Variants in CHD3 observed in about 807,000 individuals in gnomAD.
CHD3 encodes chromodomain helicase DNA binding protein 3.
In CHD3, 52 loss-of-function variants were observed where a neutral mutation model predicts 248.9. The ratio of observed to expected loss-of-function variants is 0.21; its 90% CI spans 0.17 to 0.26. The LOEUF (loss-of-function observed/expected upper bound fraction) is 0.26. CHD3 is among the 10% of genes least tolerant of loss of function. The pLI, the probability that CHD3 is intolerant of heterozygous loss-of-function variation, is 1.00. For synonymous variants in CHD3, 985 were observed against 985.2 expected (o/e 1.00, Z 0.00); for missense variants, 1,482 against 2,605.8 (o/e 0.57, Z 9.39).
chr17:7,909,214 G>A lies in CHD3; in HGVS notation c.5466G>A (p.Pro1822=), dbSNP rs886218115. 10 of 1,549,310 alleles carry A rather than the reference G, an allele frequency of 6.5e-6. No individual in the cohort carries two copies. Among genetic ancestry groups the A allele is most frequent in the African/African-American group, 2.7e-5 (2 of 73,002 alleles). The change falls in exon 37 of 40, where the codon CCG becomes CCA. Residue 1822 remains proline (P), a synonymous_variant. Coordinates refer to ENST00000330494, the MANE Select transcript of CHD3 (RefSeq NM_001005273.3). The surrounding 1 kb of genome is among the most constrained non-coding windows in gnomAD (Gnocchi z 8.1). ...CCTACCTGAACCTGTCGCAGGAGCC[G>A]GCGCACCCCGCCATGGCCCTCCACG... ...RAAYLNLSQE[P]AHPAMALHAR...
intron 19 of CHD3, 86 bp downstream of exon 19, chr17:7,901,079 C>T (rs1970243696): frequency 6.5e-7 from 1 of 1,544,650 alleles, no homozygotes; most frequent in Non-Finnish European, 8.8e-7. Context: ...TATTGAGCCA[C>T]AGGGGTGGAG....
At chr17:7,901,504 G>GTTTT (rs34660030) in intron 20 of CHD3, 129 bp downstream of exon 20, 42 of 173,416 alleles carry the variant, frequency 2.4e-4, no homozygotes, top group South Asian at 1.0e-3. Context: ...TCCTGTAAGA[G>GTTTT]TTTTTTTTTT....
At position 7,906,770 on chromosome 17, in the gene CHD3, G is replaced by A; in HGVS notation, c.4503+73G>A. 1 of 1,586,192 alleles carries A rather than the reference G, an allele frequency of 6.3e-7. No individual in the cohort carries two copies. The highest frequency in any genetic ancestry group is 1.7e-5 in the Admixed American group (1 of 57,366). On this transcript the variant is annotated intron_variant, in intron 29 of 39. Coordinates refer to ENST00000330494, the MANE Select transcript of CHD3 (RefSeq NM_001005273.3). The surrounding 1 kb of genome is among the most constrained non-coding windows in gnomAD (Gnocchi z 5.0). ...CTGTCCTTCCTCTGCCTCTGTCCCT[G>A]AGTTGTAAGCTTGCGCTGGTGTGAG...
chr17:7,903,868 T>G lies in CHD3; in HGVS notation c.3771T>G (p.Asn1257Lys), dbSNP rs1342071788. The change falls in exon 24 of 40, where the codon AAT becomes AAG. Residue 1257 changes from asparagine (N) to lysine (K), a missense_variant. By Grantham distance (94) the Asn-to-Lys change is moderately conservative. Transcript: ENST00000330494. The surrounding 1 kb of genome is among the most constrained non-coding windows in gnomAD (Gnocchi z 6.8). ...ACAGCAGTGTGATTCATTATGACAATGAGGCCATCGCTCGGCTGTTGGACC... is the reference window on the plus strand; with the variant it reads ...ACAGCAGTGTGATTCATTATGACAAGGAGGCCATCGCTCGGCTGTTGGACC... ...EEDSSVIHYDNEAIARLLDRN... is the reference protein window; with the variant it reads ...EEDSSVIHYDKEAIARLLDRN... 6.2e-7 allele frequency: 1 copy of G among 1,613,994 alleles called. No individual in the cohort carries two copies. Among genetic ancestry groups the G allele is most frequent in the Non-Finnish European group, 8.5e-7 (1 of 1,180,024 alleles).
Position 7,911,618 on chromosome 17 carries a change from C to G in CHD3, c.*33C>G, listed in dbSNP as rs768818007. ...CCAGGCCTGCCCTTCACCCAGGCCCCGTCCCCGAGGCCGACCCCCAGCTCA... is the reference window on the plus strand; with the variant it reads ...CCAGGCCTGCCCTTCACCCAGGCCCGGTCCCCGAGGCCGACCCCCAGCTCA... On this transcript the variant is annotated 3_prime_UTR_variant, in exon 40 of 40. Transcript: ENST00000330494. The surrounding 1 kb of genome is among the most constrained non-coding windows in gnomAD (Gnocchi z 5.4). 2.5e-6 allele frequency: 4 copies of G among 1,613,024 alleles called. No individual in the cohort carries two copies. In the Admixed American group the frequency reaches 6.7e-5, roughly 27 times the overall value.
intron 8 of CHD3, 137 bp from the exon 9 acceptor site, chr17:7,894,780 C>A: frequency 1.4e-6 from 2 of 1,410,130 alleles, no homozygotes; most frequent in Non-Finnish European, 1.9e-6. Flanking sequence ...ATTTCTGAAA[C>A]TGGAGTGTCC....
chr17:7,889,766 G>A lies in CHD3; in HGVS notation c.203G>A (p.Arg68His). 3 of 1,610,926 alleles carry A rather than the reference G, an allele frequency of 1.9e-6. No homozygotes were observed. The highest frequency in any genetic ancestry group is 2.2e-5 in the East Asian group (1 of 44,782). The change falls in exon 2 of 40, where the codon CGC (arginine) becomes CAC (histidine). Residue 68 changes from arginine (R) to histidine (H), a missense_variant. Physicochemically the swap from Arg to His is conservative, Grantham distance 29. This residue lies in a region of CHD3 where 169 missense variants were observed against 168.1 expected (regional missense o/e 1.01). Transcript: ENST00000330494. The surrounding 1 kb of genome is among the most constrained non-coding windows in gnomAD (Gnocchi z 4.5). ...KENKPGKPRK[R>H]KKRDSEEEFG... Reference sequence around the variant, plus strand: ...AACAAGCCAGGAAAACCCCGAAAACGCAAGAAGCGTGTAAGTGTCAAGAAT... The same window carrying A: ...AACAAGCCAGGAAAACCCCGAAAACACAAGAAGCGTGTAAGTGTCAAGAAT...
At chr17:7,901,032 C>G in intron 19 of CHD3, 39 bp downstream of exon 19, 2 of 1,598,884 alleles carry the variant, frequency 1.3e-6, no homozygotes, top group Non-Finnish European at 1.7e-6. Flanking sequence ...AACGCCCATT[C>G]TCAGAAAACA....
At position 7,909,082 on chromosome 17, in the gene CHD3, C is replaced by G; in HGVS notation, c.5395-61C>G. On this transcript the variant is annotated intron_variant, in intron 36 of 39. Coordinates refer to ENST00000330494, the MANE Select transcript of CHD3 (RefSeq NM_001005273.3). The surrounding 1 kb of genome is among the most constrained non-coding windows in gnomAD (Gnocchi z 8.1). ...GTGGGTCTCTTGCTATGTCCGCCCC[C>G]CCAGCCCCTCACCCACTGCTGGCAG... 1.3e-6 allele frequency: 2 copies of G among 1,545,540 alleles called. No homozygotes were observed. The highest frequency in any genetic ancestry group is 1.2e-5 in the South Asian group (1 of 83,806).
Position 7,912,318 on chromosome 17 carries a change from C to T in CHD3, c.*733C>T, listed in dbSNP as rs1971756308. The T allele has an allele frequency of 6.5e-6, 1 of 154,418 alleles. No homozygotes were observed. 9.6% of individuals were successfully genotyped at this position (154,418 alleles called of 1,614,324 possible). ...GATACTCCCTCAAGCCAAAGAGGAG[C>T]TCCCCAACCTGTTCTAGGGACCCAG... On this transcript the variant is annotated 3_prime_UTR_variant, in exon 40 of 40. Coordinates refer to ENST00000330494, the MANE Select transcript of CHD3 (RefSeq NM_001005273.3).
At position 7,900,211 on chromosome 17, in the gene CHD3, A is replaced by G. The variant is rs1970144300; in HGVS notation, c.2683-79A>G. The G allele has an allele frequency of 3.1e-6, 5 of 1,589,210 alleles. No individual in the cohort carries two copies. Among genetic ancestry groups the G allele is most frequent in the Non-Finnish European group, 4.3e-6 (5 of 1,163,974 alleles). The stretch of plus-strand genomic sequence containing the variant: ...TCCTGAGTGAAATGGGAGCTGGGGC[A>G]GGGAAAGGCTGATGCTGTGGGTCGG... On this transcript the variant is annotated intron_variant, in intron 16 of 39. Coordinates refer to ENST00000330494, the MANE Select transcript of CHD3 (RefSeq NM_001005273.3). The surrounding 1 kb of genome is among the most constrained non-coding windows in gnomAD (Gnocchi z 6.5).
intron 6 of CHD3, 34 bp downstream of exon 6, chr17:7,893,969 G>A (rs376849433): frequency 3.5e-6 from 5 of 1,442,264 alleles, no homozygotes; most frequent in Non-Finnish European, 4.8e-6. Flanking sequence ...TAAACACCTG[G>A]GGGCCAAGGA....
In CHD3 at chr17:7,911,789, C is replaced by T; in HGVS notation, c.*204C>T. On this transcript the variant is annotated 3_prime_UTR_variant, in exon 40 of 40. Coordinates refer to ENST00000330494, the MANE Select transcript of CHD3 (RefSeq NM_001005273.3). The surrounding 1 kb of genome is among the most constrained non-coding windows in gnomAD (Gnocchi z 5.4). ...ACTCCCACACACCTTTCCCACCAAG[C>T]CTTGAAGACTGTGCTGGTGAGAAGA... 6.8e-7 allele frequency: 1 copy of T among 1,463,008 alleles called. No individual in the cohort carries two copies. 90.6% of individuals were successfully genotyped at this position (1,463,008 alleles called of 1,614,324 possible).
chr17:7,910,404 C>G lies in CHD3; in HGVS notation c.5591-24C>G. On this transcript the variant is annotated intron_variant, in intron 37 of 39. Coordinates refer to ENST00000330494, the MANE Select transcript of CHD3 (RefSeq NM_001005273.3). This position sits in a 1 kb window ranked among gnomAD's most constrained non-coding sequence, Gnocchi z 4.7. Reference sequence around the variant, plus strand: ...ATTTCCCTGTCTTTCTCTTGCCCTTCTTTCTCTGTGGCCCGGGCCCCAGTT... The same window carrying G: ...ATTTCCCTGTCTTTCTCTTGCCCTTGTTTCTCTGTGGCCCGGGCCCCAGTT... 1 of 1,614,114 alleles carries G rather than the reference C, an allele frequency of 6.2e-7. No homozygotes were observed. Among genetic ancestry groups the G allele is most frequent in the South Asian group, 1.1e-5 (1 of 91,074 alleles).
At chr17:7,885,109 C>G (rs191420949), upstream of CHD3, 253 of 982,808 alleles carry the variant, frequency 2.6e-4, no homozygotes, top group East Asian at 6.4e-3. Flanking sequence ...GACTCCCCCC[C>G]CAAGCCCGAG....
At position 7,900,434 on chromosome 17, in the gene CHD3, T is replaced by C. The variant is rs759218196; in HGVS notation, c.2804+23T>C. The C allele has an allele frequency of 4.3e-6, 7 of 1,613,930 alleles. No individual in the cohort carries two copies. In the South Asian group the frequency reaches 4.4e-5, roughly 10 times the overall value. On this transcript the variant is annotated intron_variant, in intron 17 of 39. Transcript: ENST00000330494. This position sits in a 1 kb window ranked among gnomAD's most constrained non-coding sequence, Gnocchi z 6.5. ...TAAGTAAGTGGTTCCCTAAGGGTAG[T>C]TGGCAGAGATGAGAGGTGGAGCAGA...
At chr17:7,887,768 G>T, upstream of CHD3, among the ~76,000 whole-genome samples, 1 of 152,226 alleles carries the variant, frequency 6.6e-6, no homozygotes. Flanking sequence ...TCTCCTCCCT[G>T]CCTCCCTGAG....
chr17:7,895,542 G>A lies in CHD3; in HGVS notation c.1707G>A (p.Gln569=). ...YWHCSWAKEL[Q]LEIFHLVMYR... is the part of the protein sequence containing the mutation. ...ACTGCTCCTGGGCCAAGGAGCTTCA[G>A]GTACTAGGACCTTTTCTTTCCCTCT... The change falls in exon 10 of 40, where the codon CAG becomes CAA. Residue 569 remains glutamine (Q), a splice_region_variant and synonymous_variant. Transcript: ENST00000330494. The surrounding 1 kb of genome is among the most constrained non-coding windows in gnomAD (Gnocchi z 4.9). The A allele has an allele frequency of 6.2e-7, 1 of 1,613,784 alleles. No individual in the cohort carries two copies. Among genetic ancestry groups the A allele is most frequent in the Admixed American group, 1.7e-5 (1 of 60,008 alleles).
intron 6 of CHD3, 58 bp from the exon 7 acceptor site, chr17:7,894,057 G>T: frequency 2.1e-6 from 3 of 1,449,310 alleles, no homozygotes; most frequent in East Asian, 3.3e-5. Context: ...GAAGCCAAAG[G>T]CCTGGGGAGG....
Sources: allele counts gnomAD v4.1 joint callset (sites outside exome capture counted in the v4.1 genomes callset), GRCh38; gene constraint gnomAD v4.1.1; regional missense constraint gnomAD v4.1.1; non-coding constraint Gnocchi (gnomAD v3.1); transcripts MANE v1.5; gene names NCBI Gene and HGNC (gene_info 2026-07-23, HGNC 2026-07-21).